NUBPL: variants seen among roughly 807,000 people sequenced by gnomAD.
NUBPL encodes iron-sulfur cluster transfer protein NUBPL.
A neutral mutation model predicts 45.7 loss-of-function variants in NUBPL; 31 were observed. The observed-to-expected ratio is 0.68, with a 90% CI of 0.51 to 0.92. The LOEUF is 0.92. NUBPL is among the 40% of genes least tolerant of loss of function. NUBPL has a pLI of 0.00. For synonymous variants in NUBPL, 144 were observed against 140.9 expected (o/e 1.02, Z -0.15); for missense variants, 401 against 398.7 (o/e 1.01, Z -0.05).
intron 6 of NUBPL, among the ~76,000 whole-genome samples, chr14:31,696,747 T>A (rs2037223043): frequency 6.6e-6 from 1 of 152,240 alleles, no homozygotes; most frequent in Admixed American, 6.5e-5. Context: ...TATTAATTTC[T>A]CATTCTCACT....
At chr14:31,759,431 A>G (rs2038748836) in intron 6 of NUBPL, among the ~76,000 whole-genome samples, 1 of 151,954 alleles carries the variant, frequency 6.6e-6, no homozygotes, top group South Asian at 2.1e-4. Flanking sequence ...TTTTGAAATT[A>G]TTTTTACTTG....
chr14:31,652,489 GA>G (rs1460829587), intron 4 of NUBPL, among the ~76,000 whole-genome samples: 1 of 152,108 alleles, frequency 6.6e-6, no homozygotes, highest in Non-Finnish European at 1.5e-5. Context: ...TAATAAGCTT[GA>G]TTGAATCACT....
intron 10 of NUBPL, among the ~76,000 whole-genome samples, chr14:31,858,653 A>G (rs1419370481): frequency 6.6e-5 from 10 of 152,118 alleles, no homozygotes; most frequent in Non-Finnish European, 1.0e-4. Context: ...TGCTGGTATT[A>G]CACACCATTC....
intron 10 of NUBPL, among the ~76,000 whole-genome samples, chr14:31,850,449 C>T (rs896033793): frequency 1.3e-5 from 2 of 151,960 alleles, no homozygotes; most frequent in African/African-American, 2.4e-5. Context: ...TCAAGAAAAG[C>T]GTGAAAAGAG....
chr14:31,767,945 C>T (rs1012043214), intron 6 of NUBPL, among the ~76,000 whole-genome samples: 1 of 152,146 alleles, frequency 6.6e-6, no homozygotes, highest in African/African-American at 2.4e-5. Context: ...TTAGCTAACT[C>T]CCTGAATATT....
chr14:31,620,246 A>C (rs1319443701), intron 4 of NUBPL, among the ~76,000 whole-genome samples: 2 of 151,926 alleles, frequency 1.3e-5, no homozygotes, highest in African/African-American at 2.4e-5. Flanking sequence ...AGCTCAGAGG[A>C]GTTTGTTATC....
intron 6 of NUBPL, among the ~76,000 whole-genome samples, chr14:31,674,564 C>T (rs1468942035): frequency 6.6e-6 from 1 of 152,112 alleles, no homozygotes; most frequent in Non-Finnish European, 1.5e-5. Context: ...CCACCCCATC[C>T]CCACCAATTC....
intron 8 of NUBPL, among the ~76,000 whole-genome samples, chr14:31,834,458 C>A (rs574908656): frequency 1.3e-5 from 2 of 152,064 alleles, no homozygotes; most frequent in Non-Finnish European, 2.9e-5. Flanking sequence ...GGATTACAGG[C>A]GTGAGCCACT....
At chr14:31,587,329 T>C (rs552616198) in intron 3 of NUBPL, among the ~76,000 whole-genome samples, 1 of 152,194 alleles carries the variant, frequency 6.6e-6, no homozygotes, top group Non-Finnish European at 1.5e-5. Flanking sequence ...CTGTCAGAGC[T>C]CAGGTACCTC....
chr14:31,715,647 C>T (rs1256626772), intron 6 of NUBPL, among the ~76,000 whole-genome samples: 1 of 152,104 alleles, frequency 6.6e-6, no homozygotes, highest in Non-Finnish European at 1.5e-5. Context: ...AAATGGTGCC[C>T]CTGTGTAGGG....
chr14:31,758,726 T>A (rs2038730529), intron 6 of NUBPL, among the ~76,000 whole-genome samples: 1 of 152,136 alleles, frequency 6.6e-6, no homozygotes, highest in Non-Finnish European at 1.5e-5. Context: ...TAAGACCTAC[T>A]CTTTTTTAAA....
chr14:31,671,084 T>C (rs2036559698), intron 4 of NUBPL, among the ~76,000 whole-genome samples: 3 of 152,236 alleles, frequency 2.0e-5, no homozygotes, highest in South Asian at 2.1e-4. Context: ...TTTAATGTTA[T>C]TGATTCTTCC....
chr14:31,784,795 G>A (rs879745338), intron 6 of NUBPL, among the ~76,000 whole-genome samples: 1 of 152,022 alleles, frequency 6.6e-6, no homozygotes, highest in Admixed American at 6.6e-5. Context: ...TGGGAAATTA[G>A]GATTCCTAAA....
At chr14:31,763,881 C>T (rs11626466) in intron 6 of NUBPL, among the ~76,000 whole-genome samples, 44,915 of 152,054 alleles carry the variant, frequency 0.3, 7,497 homozygotes, top group South Asian at 0.41. Flanking sequence ...ATCTAATTAA[C>T]AGTCCAACTG....
At chr14:31,820,203 A>G (rs897339418) in intron 7 of NUBPL, among the ~76,000 whole-genome samples, 1 of 152,066 alleles carries the variant, frequency 6.6e-6, no homozygotes, top group African/African-American at 2.4e-5. Flanking sequence ...TTCTTGAGAT[A>G]GGCATTTTTC....
intron 6 of NUBPL, among the ~76,000 whole-genome samples, chr14:31,755,158 T>C (rs886809812): frequency 3.3e-5 from 5 of 152,096 alleles, no homozygotes; most frequent in African/African-American, 1.2e-4. Context: ...GCAATAAACA[T>C]ACGTGTGCAT....
chr14:31,652,914 A>G (rs1243363223), intron 4 of NUBPL, among the ~76,000 whole-genome samples: 2 of 152,288 alleles, frequency 1.3e-5, no homozygotes, highest in South Asian at 2.1e-4. Context: ...AATAAAGAGA[A>G]AGAGTAAAAA....
At chr14:31,691,275 A>G (rs1392385469) in intron 6 of NUBPL, among the ~76,000 whole-genome samples, 2 of 152,192 alleles carry the variant, frequency 1.3e-5, no homozygotes, top group Non-Finnish European at 2.9e-5. Context: ...TGAATAGTAA[A>G]TATATTTTCT....
At chr14:31,654,321 G>A (rs940832028) in intron 4 of NUBPL, among the ~76,000 whole-genome samples, 3 of 152,088 alleles carry the variant, frequency 2.0e-5, no homozygotes, top group Admixed American at 6.5e-5. Flanking sequence ...TTTGCCTTTG[G>A]ATGGTGTTGC....
Sources: allele counts gnomAD v4.1 joint callset (sites outside exome capture counted in the v4.1 genomes callset), GRCh38; gene constraint gnomAD v4.1.1; transcripts MANE v1.5; gene names NCBI Gene and HGNC (gene_info 2026-07-23, HGNC 2026-07-21).